CELF2: variants seen among roughly 807,000 people sequenced by gnomAD.
CELF2 encodes the protein CUG triplet repeat RNA-binding protein 2.
A neutral mutation model predicts 62.6 loss-of-function variants in CELF2; 8 were observed. The ratio of observed to expected loss-of-function variants is 0.13; its 90% CI spans 0.07 to 0.23. The LOEUF (loss-of-function observed/expected upper bound fraction) is 0.23, where lower values mean the gene tolerates loss of function less well. Ranked by LOEUF, CELF2 falls within the 10% of genes least tolerant of loss-of-function variation. The pLI is 1.00. For synonymous variants in CELF2, 258 were observed against 250.0 expected (o/e 1.03, Z -0.30); for missense variants, 333 against 671.0 (o/e 0.50, Z 5.56).
At chr10:10,511,397 G>A in the CELF2 span, among the ~76,000 whole-genome samples, 3 of 151,956 alleles carry the variant, frequency 2.0e-5, no homozygotes, top group African/African-American at 7.3e-5. Context: ...GGGTGACAGA[G>A]TTAAGACTCC....
chr10:11,327,919 G>A (rs1005499085), intron 12 of CELF2, among the ~76,000 whole-genome samples: 7 of 152,120 alleles, frequency 4.6e-5, no homozygotes, highest in African/African-American at 1.4e-4. Flanking sequence ...AACAGCTGAC[G>A]TTTAGACCTA....
At chr10:10,645,996 C>A in the CELF2 span, among the ~76,000 whole-genome samples, 7 of 152,214 alleles carry the variant, frequency 4.6e-5, no homozygotes, top group Non-Finnish European at 8.8e-5. Flanking sequence ...GAGTATTAAC[C>A]TTTCCAGATG....
At chr10:10,799,230 G>T (rs947413305) in intron 1 of CELF2, among the ~76,000 whole-genome samples, 3 of 152,032 alleles carry the variant, frequency 2.0e-5, no homozygotes, top group African/African-American at 7.2e-5. Flanking sequence ...CTATAATCCC[G>T]CACTTTGGGA....
chr10:10,720,171 G>A, the CELF2 span, among the ~76,000 whole-genome samples: 1 of 152,128 alleles, frequency 6.6e-6, no homozygotes, highest in Non-Finnish European at 1.5e-5. Flanking sequence ...CAGGACTTAC[G>A]GCAGGCAACT....
rs2062055827 is a variant in CELF2 at position 11,145,281 on chromosome 10, G to C, written c.75-20205G>C. ...CTCTATAAGTGAGTCTCAGGCATCT[G>C]TGTGGCACAGATACTTTTATGTGTT... On this transcript the variant is annotated intron_variant, in intron 1 of 12. Coordinates refer to ENST00000633077, the MANE Select transcript of CELF2 (RefSeq NM_001326342.2). The surrounding 1 kb of genome is among the most constrained non-coding windows in gnomAD (Gnocchi z 4.3). 1.3e-5 allele frequency among the ~76,000 whole-genome samples: 2 copies of C among 152,236 alleles called. No homozygotes were observed. The highest frequency in any genetic ancestry group is 2.4e-5 in the African/African-American group (1 of 41,454).
At chr10:10,570,172 G>A in the CELF2 span, among the ~76,000 whole-genome samples, 1 of 152,166 alleles carries the variant, frequency 6.6e-6, no homozygotes, top group African/African-American at 2.4e-5. Flanking sequence ...ATTGAGGGGA[G>A]CAGAGCAGCA....
intron 7 of CELF2, 105 bp from the exon 8 acceptor site, chr10:11,274,952 C>A: frequency 9.2e-7 from 1 of 1,084,228 alleles, no homozygotes; most frequent in Non-Finnish European, 1.4e-6. Flanking sequence ...TAGGGAGTAG[C>A]AACCAACCCT....
intron 1 of CELF2, among the ~76,000 whole-genome samples, chr10:11,134,749 G>T (rs1489078017): frequency 2.6e-5 from 4 of 152,190 alleles, no homozygotes; most frequent in Non-Finnish European, 5.9e-5. Flanking sequence ...GAGAAGCAGG[G>T]CACGAGGAGA....
chr10:10,664,445 C>T, the CELF2 span, among the ~76,000 whole-genome samples: 1 of 152,162 alleles, frequency 6.6e-6, no homozygotes, highest in Non-Finnish European at 1.5e-5. Context: ...GAAAAATGCC[C>T]TCCTAGACAC....
chr10:11,041,291 A>G (rs1369274700), intron 1 of CELF2, among the ~76,000 whole-genome samples: 1 of 152,200 alleles, frequency 6.6e-6, no homozygotes, highest in African/African-American at 2.4e-5. Flanking sequence ...AGGGGGACAC[A>G]GTCAGTCCAT....
chr10:10,969,069 TG>T (rs1489716616), intron 2 of CELF2, among the ~76,000 whole-genome samples: 2 of 152,152 alleles, frequency 1.3e-5, no homozygotes, highest in African/African-American at 4.8e-5. Context: ...CAAGAGTATC[TG>T]GGGACAACTT....
rs369894321 is a variant in CELF2 at position 11,223,879 on chromosome 10, G to A, written c.354+6372G>A. Among the ~76,000 whole-genome samples the A allele has an allele frequency of 3.3e-5, 5 of 152,222 alleles. No homozygotes were observed. The East Asian group carries it at 5.8e-4, about 18-fold the overall frequency. ...GGGCAATGGGAAAGTATATTTTAATGCTTAATAAAAGGCCATTACAAATTG... is the reference window on the plus strand; with the variant it reads ...GGGCAATGGGAAAGTATATTTTAATACTTAATAAAAGGCCATTACAAATTG... On this transcript the variant is annotated intron_variant, in intron 3 of 12. Transcript: ENST00000633077. The surrounding 1 kb of genome is among the most constrained non-coding windows in gnomAD (Gnocchi z 5.1).
At chr10:10,840,718 G>C (rs1392514904) in intron 1 of CELF2, among the ~76,000 whole-genome samples, 1 of 152,030 alleles carries the variant, frequency 6.6e-6, no homozygotes, top group East Asian at 1.9e-4. Context: ...TAGACATGCA[G>C]AACATGCAGG....
the CELF2 span, among the ~76,000 whole-genome samples, chr10:10,471,654 AAC>A: frequency 1.3e-5 from 2 of 151,802 alleles, no homozygotes; most frequent in Non-Finnish European, 2.9e-5. Flanking sequence ...CTACAATATA[AAC>A]ACAAATAAGT....
At chr10:10,841,851 A>G (rs1289796689) in intron 1 of CELF2, among the ~76,000 whole-genome samples, 1 of 152,046 alleles carries the variant, frequency 6.6e-6, no homozygotes. Context: ...ATTCTTACTG[A>G]AATTGCATTG....
At chr10:10,522,150 C>CA in the CELF2 span, among the ~76,000 whole-genome samples, 1 of 152,174 alleles carries the variant, frequency 6.6e-6, no homozygotes, top group Admixed American at 6.5e-5. Flanking sequence ...TTCTTGGAGC[C>CA]AAAATGGGAC....
chr10:10,941,734 C>T (rs2047069140), intron 2 of CELF2, among the ~76,000 whole-genome samples: 1 of 152,122 alleles, frequency 6.6e-6, no homozygotes, highest in East Asian at 1.9e-4. Context: ...TGGCTCATGC[C>T]TATAATCCCA....
chr10:11,179,598 T>C (rs1454947618), intron 2 of CELF2, among the ~76,000 whole-genome samples: 2 of 152,196 alleles, frequency 1.3e-5, no homozygotes, highest in Non-Finnish European at 2.9e-5. Context: ...TCTTAGGACA[T>C]GTGTTGAGAA....
At chr10:10,793,217 T>C in the CELF2 span, among the ~76,000 whole-genome samples, 6 of 152,168 alleles carry the variant, frequency 3.9e-5, no homozygotes, top group Non-Finnish European at 7.3e-5. Context: ...ATATCTTTGT[T>C]CATAGACTTT....
Sources: gnomAD v4.1 joint callset for allele counts (sites outside exome capture counted in the v4.1 genomes callset) on GRCh38, gnomAD v4.1.1 for gene constraint, Gnocchi (gnomAD v3.1) non-coding constraint, MANE v1.5 for transcripts, NCBI Gene and HGNC (gene_info 2026-07-23, HGNC 2026-07-21) for gene names.